SNCAIP: variants seen among roughly 807,000 people sequenced by gnomAD.
SNCAIP encodes the protein synuclein alpha interacting protein, also known as synphilin-1.
SNCAIP carries 43 observed loss-of-function variants against 86.7 expected under a neutral mutation model. The ratio of observed to expected loss-of-function variants is 0.50; its 90% confidence interval spans 0.39 to 0.64. SNCAIP has a LOEUF of 0.64. Among genes scored for constraint, SNCAIP ranks in the 30% least tolerant of loss-of-function variants. The pLI is 0.00. For synonymous variants in SNCAIP, 417 were observed against 427.2 expected (o/e 0.98, Z 0.29); for missense variants, 981 against 1,103.1 (o/e 0.89, Z 1.57).
chr5:122,408,124 C>A (rs1008850191), intron 3 of SNCAIP, among the ~76,000 whole-genome samples: 3 of 152,178 alleles, frequency 2.0e-5, no homozygotes, highest in African/African-American at 7.2e-5. Context: ...TTTTCACTCT[C>A]CTGTGGATAC....
At chr5:122,335,358 A>T (rs972691000) in intron 1 of SNCAIP, among the ~76,000 whole-genome samples, 3 of 152,230 alleles carry the variant, frequency 2.0e-5, no homozygotes, top group Non-Finnish European at 4.4e-5. Flanking sequence ...CAAAACAATC[A>T]TTGGGCTAAA....
intron 1 of SNCAIP, among the ~76,000 whole-genome samples, chr5:122,333,934 G>A (rs548165416): frequency 1.3e-5 from 2 of 152,296 alleles, no homozygotes; most frequent in South Asian, 4.1e-4. Context: ...GAAATTGTGG[G>A]GAAATGGAAT....
intron 9 of SNCAIP, 115 bp downstream of exon 9, chr5:122,450,052 A>G: frequency 1.3e-6 from 1 of 755,402 alleles, no homozygotes; most frequent in Non-Finnish European, 2.3e-6. Flanking sequence ...TTTTCTTCTT[A>G]TAAAGAGGAA....
At position 122,316,185 on chromosome 5, in the gene SNCAIP, A is replaced by G. The variant is rs78480676; in HGVS notation, c.-47+3901A>G. ...TATATAGTTAAGTTTCTTTATGTGT[A>G]TATCAACAGAAAACAAAATACAACC... On this transcript the variant is annotated intron_variant, in intron 1 of 10. Transcript: ENST00000261368. Among the ~76,000 whole-genome samples, 1,521 of 152,342 alleles carry G rather than the reference A, an allele frequency of 1.0e-2. 35 individuals are homozygous for G. Among genetic ancestry groups the G allele is most frequent in the Admixed American group, 0.033 (505 of 15,294 alleles).
chr5:122,373,210 T>G (rs1180136131), intron 1 of SNCAIP, among the ~76,000 whole-genome samples: 1 of 152,170 alleles, frequency 6.6e-6, no homozygotes, highest in Non-Finnish European at 1.5e-5. Flanking sequence ...TAAATACATT[T>G]CTGAGAACTT....
At chr5:122,433,981 G>A (rs1561761190) in intron 6 of SNCAIP, among the ~76,000 whole-genome samples, 1 of 152,272 alleles carries the variant, frequency 6.6e-6, no homozygotes, top group East Asian at 1.9e-4. Flanking sequence ...ACCCTATAGT[G>A]TATTAAGTGC....
chr5:122,324,401 T>G (rs1466337135), intron 1 of SNCAIP, among the ~76,000 whole-genome samples: 1 of 152,198 alleles, frequency 6.6e-6, no homozygotes, highest in African/African-American at 2.4e-5. Context: ...TGTGGATAAT[T>G]ATTGACTAAT....
chr5:122,410,314 T>C (rs1314882471), intron 3 of SNCAIP, among the ~76,000 whole-genome samples: 1 of 152,182 alleles, frequency 6.6e-6, no homozygotes, highest in Non-Finnish European at 1.5e-5. Context: ...TGCTCCAGAA[T>C]GTGCATAGCT....
At position 122,463,491 on chromosome 5, in the gene SNCAIP, G is replaced by C; in HGVS notation, c.2755G>C (p.Ala919Pro). ...GGCCTGTGGTTTCTCTTCTGCTTAG[G>C]CATAATGACATCAATAGAAAAATGA... ...SSASKGKNKA[A>P] Residue 919 changes from alanine to proline, a missense_variant and splice_region_variant, in exon 11 of 11, where the codon GCA (alanine) becomes CCA (proline). By Grantham distance (27) the Ala-to-Pro change is conservative. Transcript: ENST00000261368. 6.3e-7 allele frequency: 1 copy of C among 1,589,180 alleles called. No individual in the cohort carries two copies.
intron 6 of SNCAIP, among the ~76,000 whole-genome samples, chr5:122,438,195 G>C (rs1159420022): frequency 6.6e-6 from 1 of 152,120 alleles, no homozygotes; most frequent in African/African-American, 2.4e-5. Flanking sequence ...TTATAATGTT[G>C]ATGAGAAGAA....
At chr5:122,444,298 A>G in intron 7 of SNCAIP, 1 of 537,216 alleles carries the variant, frequency 1.9e-6, no homozygotes, top group South Asian at 1.6e-5. Flanking sequence ...CAAAGACTGC[A>G]CTGCATATCT....
chr5:122,332,274 T>A (rs1755518815), intron 1 of SNCAIP, among the ~76,000 whole-genome samples: 3 of 152,248 alleles, frequency 2.0e-5, no homozygotes, highest in Admixed American at 2.0e-4. Context: ...ATCAGCATCT[T>A]TTTATATTTT....
chr5:122,322,894 G>A (rs556876708), intron 1 of SNCAIP, among the ~76,000 whole-genome samples: 37 of 152,088 alleles, frequency 2.4e-4, no homozygotes, highest in Non-Finnish European at 4.0e-4. Context: ...TTTCATTTGG[G>A]ATTCTTAAAA....
chr5:122,420,408 T>C (rs1776144769), intron 3 of SNCAIP, among the ~76,000 whole-genome samples: 1 of 152,146 alleles, frequency 6.6e-6, no homozygotes, highest in Non-Finnish European at 1.5e-5. Flanking sequence ...CATAAATATA[T>C]TGGTACAATG....
intron 10 of SNCAIP, among the ~76,000 whole-genome samples, chr5:122,458,668 C>T (rs1785383034): frequency 1.3e-5 from 2 of 152,224 alleles, no homozygotes; most frequent in African/African-American, 4.8e-5. Flanking sequence ...GGACAATCTT[C>T]CTAATGCCAC....
At chr5:122,372,139 C>T (rs1452200676) in intron 1 of SNCAIP, among the ~76,000 whole-genome samples, 2 of 152,110 alleles carry the variant, frequency 1.3e-5, no homozygotes. Flanking sequence ...GTTTTTCATA[C>T]CCTTCCTGAA....
At position 122,451,516 on chromosome 5, in the gene SNCAIP, C is replaced by G. The variant is rs747441082; in HGVS notation, c.2669C>G (p.Ser890Cys). The change falls in exon 10 of 11, where the codon TCT becomes TGT. Residue 890 changes from serine (S) to cysteine (C), a missense_variant. Coordinates refer to ENST00000261368, the MANE Select transcript of SNCAIP (RefSeq NM_005460.4). ...CAGGCAGCCAACCAGCTGAAAACCT[C>G]TACATTGCCCTTGACCTCACTTGGG... ...NYQAANQLKT[S>C]TLPLTSLGRK... The G allele has an allele frequency of 6.2e-7, 1 of 1,613,848 alleles. No homozygotes were observed. Among genetic ancestry groups the G allele is most frequent in the South Asian group, 1.1e-5 (1 of 91,066 alleles).
At chr5:122,430,252 T>C (rs1778151321) in intron 5 of SNCAIP, among the ~76,000 whole-genome samples, 1 of 152,262 alleles carries the variant, frequency 6.6e-6, no homozygotes, top group African/African-American at 2.4e-5. Flanking sequence ...CTCCCTTGGC[T>C]CCCTGCCAAC....
At chr5:122,428,535 C>A (rs1018742979) in intron 5 of SNCAIP, among the ~76,000 whole-genome samples, 4 of 151,634 alleles carry the variant, frequency 2.6e-5, no homozygotes. Flanking sequence ...CCAGGATAGA[C>A]CAAATGTTAG....
Sources: allele counts gnomAD v4.1 joint callset (sites outside exome capture counted in the v4.1 genomes callset), GRCh38; gene constraint gnomAD v4.1.1; transcripts MANE v1.5; gene names NCBI Gene and HGNC (gene_info 2026-07-23, HGNC 2026-07-21).